Variants in SCAF8 observed in about 807,000 individuals in gnomAD.
The protein encoded by SCAF8 is SR-related CTD associated factor 8.
A neutral mutation model predicts 140.5 loss-of-function variants in SCAF8; 23 were observed. The ratio of observed to expected loss-of-function variants is 0.16; its 90% CI spans 0.12 to 0.23. The LOEUF is 0.23. Ranked by LOEUF, SCAF8 falls within the 10% of genes least tolerant of loss-of-function variation. SCAF8 has a pLI of 1.00. For missense variants in SCAF8, 1,397 were observed against 1,555.7 expected (o/e 0.90, Z 1.72); for synonymous variants, 575 against 528.9 (o/e 1.09, Z -1.20).
chr6:154,824,761 G>A (rs144957138), intron 17 of SCAF8: 1 of 157,322 alleles, frequency 6.4e-6, no homozygotes, highest in Non-Finnish European at 1.4e-5. Flanking sequence ...TGGCCAACAT[G>A]GTGAAATCCC....
intron 1 of SCAF8, among the ~76,000 whole-genome samples, chr6:154,734,816 C>T (rs897876593): frequency 2.0e-5 from 3 of 152,288 alleles, no homozygotes; most frequent in East Asian, 3.9e-4. Flanking sequence ...AGTATCCCTA[C>T]CCGTACGCCT....
chr6:154,810,002 A>C lies in SCAF8; in HGVS notation c.1227-13A>C. On this transcript the variant is annotated splice_polypyrimidine_tract_variant and intron_variant, in intron 11 of 19. Transcript: ENST00000367178. ...AACATTGTCATTAGAAGTAAAATGA[A>C]AATTTTTTGTAGATCACCAAGAAAA... The C allele has an allele frequency of 6.3e-7, 1 of 1,583,562 alleles. No individual in the cohort carries two copies. The highest frequency in any genetic ancestry group is 8.5e-7 in the Non-Finnish European group (1 of 1,171,646).
At chr6:154,770,388 A>ACACACACTCTCTCTCTCTCTCTCT (rs1384942827) in intron 1 of SCAF8, among the ~76,000 whole-genome samples, 1 of 141,916 alleles carries the variant, frequency 7.0e-6, no homozygotes, top group Non-Finnish European at 1.5e-5. Context: ...ACACACACAC[A>ACACACACTCTCTCTCTCTCTCTCT]CTCTCTCTCT....
At chr6:154,745,360 G>A (rs1312304347) in intron 1 of SCAF8, among the ~76,000 whole-genome samples, 2 of 152,160 alleles carry the variant, frequency 1.3e-5, no homozygotes, top group African/African-American at 4.8e-5. Context: ...TAATAGGGAT[G>A]TAGAGCTTTT....
chr6:154,784,122 T>TAG (rs1319572894), intron 3 of SCAF8, among the ~76,000 whole-genome samples: 450 of 18,626 alleles, frequency 0.024, 2 homozygotes, highest in Non-Finnish European at 0.031. Flanking sequence ...TGTCTTGAGA[T>TAG]ATATATATAT....
At chr6:154,797,082 C>T (rs1048205793) in intron 6 of SCAF8, among the ~76,000 whole-genome samples, 4 of 151,714 alleles carry the variant, frequency 2.6e-5, no homozygotes, top group Non-Finnish European at 5.9e-5. Flanking sequence ...TTTGTATTCA[C>T]TTACGCTACC....
At chr6:154,750,639 T>TATTAA in intron 1 of SCAF8, among the ~76,000 whole-genome samples, 1 of 152,344 alleles carries the variant, frequency 6.6e-6, no homozygotes, top group Admixed American at 6.5e-5. Context: ...CAAATTTTGT[T>TATTAA]TAATGAGATT....
intron 14 of SCAF8, 28 bp from the exon 15 acceptor site, chr6:154,820,145 CCTTT>C: frequency 6.5e-7 from 1 of 1,532,276 alleles, no homozygotes; most frequent in Non-Finnish European, 8.8e-7. Context: ...GTATGTATAA[CCTTT>C]CTTTTTTCCT....
intron 1 of SCAF8, among the ~76,000 whole-genome samples, chr6:154,767,467 T>C (rs1309120386): frequency 6.6e-6 from 1 of 151,852 alleles, no homozygotes; most frequent in African/African-American, 2.4e-5. Context: ...TCTTAAATTC[T>C]TAATGATATC....
intron 3 of SCAF8, among the ~76,000 whole-genome samples, chr6:154,783,467 G>A (rs937237715): frequency 2.6e-5 from 4 of 152,098 alleles, no homozygotes; most frequent in African/African-American, 9.7e-5. Flanking sequence ...GTAAGCTTTT[G>A]GCTATGATTA....
intron 17 of SCAF8, among the ~76,000 whole-genome samples, chr6:154,826,172 A>G (rs1433170391): frequency 6.6e-6 from 1 of 152,098 alleles, no homozygotes; most frequent in Middle Eastern, 3.2e-3. Flanking sequence ...AGATTTTAAT[A>G]ACTTTATTTT....
At chr6:154,831,171 A>C (rs1401328463) in intron 19 of SCAF8, 31 bp downstream of exon 19, 1 of 1,371,940 alleles carries the variant, frequency 7.3e-7, no homozygotes. Flanking sequence ...TTAAAAAAAG[A>C]GGTTGCCTCT....
In SCAF8 at chr6:154,733,565, T is replaced by C; in HGVS notation, c.-336T>C. On this transcript the variant is annotated 5_prime_UTR_variant, in exon 1 of 20. Coordinates refer to ENST00000367178, the MANE Select transcript of SCAF8 (RefSeq NM_014892.5). ...GAGTGGAGAGTGTAGGGGAAGGGGC[T>C]AGAGGGAGGGGGACCGAAACGGAGC... 2 of 1,280,990 alleles carry C rather than the reference T, an allele frequency of 1.6e-6. No individual in the cohort carries two copies. Among genetic ancestry groups the C allele is most frequent in the Non-Finnish European group, 2.0e-6 (2 of 1,016,404 alleles). 79.4% of individuals were successfully genotyped at this position (1,280,990 alleles called of 1,614,324 possible).
chr6:154,743,404 C>CCGTGAGAA (rs1371703212), intron 1 of SCAF8, among the ~76,000 whole-genome samples: 1 of 152,186 alleles, frequency 6.6e-6, no homozygotes, highest in Admixed American at 6.5e-5. Context: ...AATCATTAGT[C>CCGTGAGAA]TCCACATGCA....
intron 13 of SCAF8, among the ~76,000 whole-genome samples, chr6:154,818,126 T>G (rs1228087357): frequency 6.6e-6 from 1 of 152,206 alleles, no homozygotes; most frequent in Non-Finnish European, 1.5e-5. Flanking sequence ...TAATACTACT[T>G]TCCTTTTATC....
chr6:154,821,459 GA>G (rs1307992294), intron 15 of SCAF8, among the ~76,000 whole-genome samples: 1 of 151,462 alleles, frequency 6.6e-6, no homozygotes, highest in South Asian at 2.1e-4. Flanking sequence ...TATTATCTGT[GA>G]AAAAAACAGA....
intron 12 of SCAF8, among the ~76,000 whole-genome samples, chr6:154,813,247 G>GAGT (rs1778148751): frequency 6.6e-6 from 1 of 152,152 alleles, no homozygotes; most frequent in South Asian, 2.1e-4. Context: ...CCTTAAGGCT[G>GAGT]AGTATACTGG....
chr6:154,790,635 C>A (rs1022583830), intron 4 of SCAF8, among the ~76,000 whole-genome samples: 3 of 151,392 alleles, frequency 2.0e-5, no homozygotes, highest in South Asian at 2.1e-4. Context: ...CTCAGCCTCC[C>A]AAGTAGCTGG....
intron 18 of SCAF8, among the ~76,000 whole-genome samples, chr6:154,827,840 G>T (rs1004128676): frequency 2.7e-5 from 4 of 150,632 alleles, no homozygotes; most frequent in African/African-American, 4.9e-5. Flanking sequence ...GGGGCGGGGG[G>T]GGGGGCGGTG....
Sources: allele counts gnomAD v4.1 joint callset (sites outside exome capture counted in the v4.1 genomes callset), GRCh38; gene constraint gnomAD v4.1.1; transcripts MANE v1.5; gene names NCBI Gene and HGNC (gene_info 2026-07-23, HGNC 2026-07-21).